Variants in AMBRA1 observed in about 807,000 individuals in gnomAD.
The protein encoded by AMBRA1 is activating molecule in BECN1-regulated autophagy protein 1.
In AMBRA1, 47 loss-of-function variants were observed where a neutral mutation model predicts 125.4. The ratio of observed to expected loss-of-function variants is 0.37; its 90% confidence interval spans 0.30 to 0.48. The LOEUF (loss-of-function observed/expected upper bound fraction) is 0.48. Among genes scored for constraint, AMBRA1 ranks in the 20% least tolerant of loss-of-function variants. The probability of loss-of-function intolerance (pLI) is 0.99; values close to 1 mark genes in which losing one functional copy is unlikely to be tolerated. For missense variants in AMBRA1, 1,331 were observed against 1,693.4 expected, an observed-to-expected ratio of 0.79 and a Z score of 3.76; for synonymous variants, 626 against 655.5, an observed-to-expected ratio of 0.95 and a Z score of 0.69.
Position 46,494,116 on chromosome 11 carries a change from G to A in AMBRA1, c.2420+8C>T. On this transcript the variant is annotated splice_region_variant and intron_variant, in intron 10 of 17. Coordinates refer to ENST00000683756, the MANE Select transcript of AMBRA1 (RefSeq NM_001387011.1). Reference sequence around the variant, plus strand: ...GGCTCCCTCTGTTGCTAGCAACTCGGTTCTTACCTTGGGACAAAGCGTCCA... The same window carrying A: ...GGCTCCCTCTGTTGCTAGCAACTCGATTCTTACCTTGGGACAAAGCGTCCA... The A allele has an allele frequency of 6.2e-7, 1 of 1,601,808 alleles. No homozygotes were observed. The highest frequency in any genetic ancestry group is 8.5e-7 in the Non-Finnish European group (1 of 1,172,794).
chr11:46,567,631 G>A (rs1247969476), intron 1 of AMBRA1, among the ~76,000 whole-genome samples: 4 of 152,170 alleles, frequency 2.6e-5, no homozygotes, highest in Non-Finnish European at 5.9e-5. Flanking sequence ...AAAGTGCTGG[G>A]ATTACAGGCG....
intron 5 of AMBRA1, among the ~76,000 whole-genome samples, chr11:46,544,347 G>A (rs141620679): frequency 3.9e-5 from 6 of 152,216 alleles, no homozygotes; most frequent in East Asian, 1.9e-4. Flanking sequence ...CATCCTAACC[G>A]TAAAGCATAA....
At chr11:46,424,671 A>C (rs1947026043) in intron 14 of AMBRA1, among the ~76,000 whole-genome samples, 1 of 152,092 alleles carries the variant, frequency 6.6e-6, no homozygotes, top group Non-Finnish European at 1.5e-5. Context: ...ACATAGCAGG[A>C]TCTGTGTGTC....
chr11:46,555,794 C>T (rs955987956), intron 1 of AMBRA1, among the ~76,000 whole-genome samples: 3 of 152,230 alleles, frequency 2.0e-5, no homozygotes, highest in Non-Finnish European at 4.4e-5. Flanking sequence ...ACTAATAATT[C>T]ATACCCCAAA....
rs1323460717 is a variant in AMBRA1, at chr11:46,481,054, T to G, written c.2521+12554A>C. On this transcript the variant is annotated intron_variant, in intron 11 of 17. Coordinates refer to ENST00000683756, the MANE Select transcript of AMBRA1 (RefSeq NM_001387011.1). ...TTAATGTCCTCTTGGCTCTTTTGGC[T>G]GACTTCCCTGTGCCTGGGTCTTGAC... Among the ~76,000 whole-genome samples, 3 of 152,244 alleles carry G rather than the reference T, an allele frequency of 2.0e-5. No homozygotes were observed. In the East Asian group the frequency reaches 5.8e-4, roughly 29 times the overall value.
intron 1 of AMBRA1, among the ~76,000 whole-genome samples, chr11:46,553,994 A>T (rs1421196522): frequency 6.6e-6 from 1 of 152,194 alleles, no homozygotes; most frequent in Admixed American, 6.5e-5. Context: ...CTCATAGATT[A>T]GGATCAGAAA....
intron 11 of AMBRA1, among the ~76,000 whole-genome samples, chr11:46,444,598 A>G (rs1276650796): frequency 6.6e-6 from 1 of 152,226 alleles, no homozygotes; most frequent in African/African-American, 2.4e-5. Context: ...GGCTACTGTG[A>G]AAAACTGAAC....
intron 11 of AMBRA1, among the ~76,000 whole-genome samples, chr11:46,451,641 T>C (rs773519052): frequency 5.3e-5 from 8 of 151,950 alleles, no homozygotes; most frequent in African/African-American, 1.2e-4. Flanking sequence ...AATGATTAAA[T>C]TACATTTCAG....
At position 46,397,276 on chromosome 11, in the gene AMBRA1, G is replaced by A. The variant is rs924183796; in HGVS notation, c.*174C>T. The A allele has an allele frequency of 1.9e-5, 16 of 855,334 alleles. No homozygotes were observed. Among genetic ancestry groups the A allele is most frequent in the Non-Finnish European group, 2.4e-5 (15 of 627,660 alleles). The allele number at this position is 855,334 out of a possible 1,614,324, so 53.0% of individuals were successfully genotyped here. ...GTTCTAGTTCCCCGAGGCAGGCCTT[G>A]CCCATTTGACTGTCTTGTGCCCACT... On this transcript the variant is annotated 3_prime_UTR_variant, in exon 18 of 18. Coordinates refer to ENST00000683756, the MANE Select transcript of AMBRA1 (RefSeq NM_001387011.1).
At chr11:46,544,764 T>TA (rs1474285806) in intron 5 of AMBRA1, among the ~76,000 whole-genome samples, 5 of 151,792 alleles carry the variant, frequency 3.3e-5, no homozygotes, top group African/African-American at 1.2e-4. Context: ...ATGAGGCCAA[T>TA]AAGGGAAAGC....
At chr11:46,552,185 A>G (rs1394027633) in intron 1 of AMBRA1, among the ~76,000 whole-genome samples, 2 of 149,536 alleles carry the variant, frequency 1.3e-5, no homozygotes, top group Non-Finnish European at 3.0e-5. Context: ...CCTGGCCAAC[A>G]TGGCGAAACC....
intron 4 of AMBRA1, among the ~76,000 whole-genome samples, chr11:46,546,349 A>G (rs1953018121): frequency 6.6e-6 from 1 of 152,144 alleles, no homozygotes; most frequent in South Asian, 2.1e-4. Context: ...CCACAGTTCC[A>G]TGCAAAGCCT....
intron 1 of AMBRA1, among the ~76,000 whole-genome samples, chr11:46,562,425 T>C (rs1009069321): frequency 6.6e-6 from 1 of 152,150 alleles, no homozygotes; most frequent in African/African-American, 2.4e-5. Flanking sequence ...GGATTTTAGC[T>C]AAGGAAATGA....
In AMBRA1 at chr11:46,397,893, G is replaced by A; in HGVS notation, c.3454C>T (p.Gln1152Ter). The A allele has an allele frequency of 6.3e-7, 1 of 1,599,638 alleles. No individual in the cohort carries two copies. The highest frequency in any genetic ancestry group is 8.5e-7 in the Non-Finnish European group (1 of 1,179,820). The change falls in exon 18 of 18, where the codon CAG (glutamine) becomes TAG (stop). Residue 1152 changes from glutamine (Q) to a stop codon, truncating the protein, a stop_gained. Transcript: ENST00000683756. LOFTEE classifies it high-confidence loss of function. ...ASGEDALSRI[Q>*]RLMAEGGMTA... ...ATGCCGCCCTCCGCCATCAGCCTCT[G>A]GATCCTGCTGAGCGCATCTTCTCCA...
chr11:46,576,861 G>A (rs2043975978), intron 1 of AMBRA1, among the ~76,000 whole-genome samples: 1 of 152,148 alleles, frequency 6.6e-6, no homozygotes, highest in South Asian at 2.1e-4. Context: ...TCACTGACTT[G>A]CTCTGAAGAT....
intron 12 of AMBRA1, among the ~76,000 whole-genome samples, chr11:46,437,757 T>C (rs763418927): frequency 1.1e-4 from 16 of 152,172 alleles, no homozygotes; most frequent in Non-Finnish European, 1.9e-4. Context: ...AGGAAAGTAA[T>C]GTACTAATGA....
At chr11:46,429,045 C>A (rs1947315050) in intron 14 of AMBRA1, 16 of 1,611,282 alleles carry the variant, frequency 9.9e-6, no homozygotes, top group African/African-American at 1.3e-5. Flanking sequence ...TTCTTGTCTG[C>A]CAGCTCCGGG....
At chr11:46,543,646 C>T (rs1225191769) in intron 6 of AMBRA1, among the ~76,000 whole-genome samples, 2 of 152,144 alleles carry the variant, frequency 1.3e-5, no homozygotes, top group Non-Finnish European at 2.9e-5. Flanking sequence ...AATTGTCTTA[C>T]AAAAGACATC....
chr11:46,418,133 A>G (rs567766915), intron 14 of AMBRA1, 81 bp from the exon 15 acceptor site: 1 of 1,372,752 alleles, frequency 7.3e-7, no homozygotes, highest in African/African-American at 1.4e-5. Flanking sequence ...CCAGGGAGAA[A>G]CAAATTAGAA....
Sources: gnomAD v4.1 joint callset for allele counts (sites outside exome capture counted in the v4.1 genomes callset) on GRCh38, gnomAD v4.1.1 for gene constraint, MANE v1.5 for transcripts, NCBI Gene and HGNC (gene_info 2026-07-23, HGNC 2026-07-21) for gene names.